Variants in LONRF1 observed in about 807,000 individuals in gnomAD.
LONRF1 encodes LON peptidase N-terminal domain and RING finger protein 1.
A neutral mutation model predicts 85.8 loss-of-function variants in LONRF1; 37 were observed. That is an observed-to-expected ratio of 0.43 (90% CI 0.33 to 0.57). The LOEUF is 0.57. Ranked by LOEUF, LONRF1 falls within the 20% of genes least tolerant of loss-of-function variation. The probability of loss-of-function intolerance (pLI) is 0.04; values close to 1 mark genes in which losing one functional copy is unlikely to be tolerated. For missense variants in LONRF1, 1,036 were observed against 978.0 expected, an observed-to-expected ratio of 1.06 and a Z score of -0.79; for synonymous variants, 517 against 390.1, an observed-to-expected ratio of 1.33 and a Z score of -3.83.
intron 10 of LONRF1, among the ~76,000 whole-genome samples, chr8:12,726,517 C>T (rs1798311553): frequency 6.6e-6 from 1 of 152,234 alleles, no homozygotes; most frequent in Non-Finnish European, 1.5e-5. Flanking sequence ...ATTCTTTAGA[C>T]TACTGGGTCA....
chr8:12,727,521 A>G (rs1289431861), intron 10 of LONRF1, among the ~76,000 whole-genome samples: 1 of 151,944 alleles, frequency 6.6e-6, no homozygotes, highest in Non-Finnish European at 1.5e-5. Flanking sequence ...ACCAAAGAGG[A>G]CTCGTTTATA....
intron 6 of LONRF1, among the ~76,000 whole-genome samples, chr8:12,736,462 A>G (rs2117271445): frequency 6.6e-6 from 1 of 152,324 alleles, no homozygotes; most frequent in Admixed American, 6.5e-5. Flanking sequence ...GATTCTCACA[A>G]CAATGAGATG....
In LONRF1 at chr8:12,729,075, C is replaced by A. The variant is rs879114309; in HGVS notation, c.1848-12G>T. ...CATAATCTGCAAAACTAAAAGAAAA[C>A]CTTGATTAGTAACAAAGTTGAAACA... On this transcript the variant is annotated splice_polypyrimidine_tract_variant and intron_variant, in intron 9 of 11. Transcript: ENST00000398246. 10 of 1,613,020 alleles carry A rather than the reference C, an allele frequency of 6.2e-6. No homozygotes were observed. The highest frequency in any genetic ancestry group is 8.5e-6 in the Non-Finnish European group (10 of 1,179,372).
intron 10 of LONRF1, 23 bp downstream of exon 10, chr8:12,728,878 T>A (rs1266801160): frequency 6.2e-7 from 1 of 1,613,242 alleles, no homozygotes; most frequent in African/African-American, 1.3e-5. Context: ...GAAAGTATGC[T>A]GGCAAAGCAC....
intron 7 of LONRF1, among the ~76,000 whole-genome samples, chr8:12,732,413 C>T (rs1798562756): frequency 6.6e-6 from 1 of 152,138 alleles, no homozygotes. Context: ...AGGTGCGTTT[C>T]TTGGGACACT....
At chr8:12,737,883 C>T in intron 4 of LONRF1, 112 bp downstream of exon 4, 1 of 1,055,832 alleles carries the variant, frequency 9.5e-7, no homozygotes, top group Non-Finnish European at 1.3e-6. Flanking sequence ...GATAACTAAC[C>T]AGGTTAAAAG....
At chr8:12,738,759 A>C (rs1160521924) in intron 3 of LONRF1, 2 of 152,196 alleles carry the variant, frequency 1.3e-5, no homozygotes, top group South Asian at 4.1e-4. Context: ...TACCTCAGGA[A>C]TATGCCTAAA....
At chr8:12,742,367 A>G (rs1052962651) in intron 2 of LONRF1, among the ~76,000 whole-genome samples, 1 of 152,240 alleles carries the variant, frequency 6.6e-6, no homozygotes, top group Non-Finnish European at 1.5e-5. Context: ...CAATTTGATA[A>G]AAAGGAGAAT....
chr8:12,737,406 CT>C (rs1413775253), intron 4 of LONRF1: 3 of 618,152 alleles, frequency 4.9e-6, no homozygotes, highest in East Asian at 3.4e-5. Flanking sequence ...CATATATCGA[CT>C]TTTTTCTTGT....
At chr8:12,752,943 C>G (rs1799468365) in intron 1 of LONRF1, 1 of 152,248 alleles carries the variant, frequency 6.6e-6, no homozygotes, top group African/African-American at 2.4e-5. Context: ...GAAGATACAG[C>G]ACTGCCTCTC....
At chr8:12,730,130 C>A (rs1798471893) in intron 8 of LONRF1, among the ~76,000 whole-genome samples, 1 of 152,124 alleles carries the variant, frequency 6.6e-6, no homozygotes, top group African/African-American at 2.4e-5. Context: ...ATTGTAGAAT[C>A]ATAAAGAGGA....
chr8:12,724,190 T>C (rs1035808354), intron 11 of LONRF1, among the ~76,000 whole-genome samples: 2 of 152,138 alleles, frequency 1.3e-5, no homozygotes, highest in African/African-American at 2.4e-5. Flanking sequence ...CCCTCTGCCA[T>C]AGGGTTCCAG....
rs1303940685 is a variant in LONRF1 at position 12,755,259 on chromosome 8, G to T, written c.162C>A (p.Arg54=). 5 of 1,233,850 alleles carry T rather than the reference G, an allele frequency of 4.1e-6. No individual in the cohort carries two copies. Among genetic ancestry groups the T allele is most frequent in the Non-Finnish European group, 5.0e-6 (5 of 990,818 alleles). 76.4% of individuals were successfully genotyped at this position (1,233,850 alleles called of 1,614,324 possible). ...ESERWELLLR[R]GELLALGGHL... is the part of the protein sequence containing the mutation. ...GGCCGCCCAGCGCCAGCAGCTCCCCGCGGCGGAGCAGCAGCTCCCAGCGCT... is the reference window on the plus strand; with the variant it reads ...GGCCGCCCAGCGCCAGCAGCTCCCCTCGGCGGAGCAGCAGCTCCCAGCGCT... The change falls in exon 1 of 12, where the codon CGC becomes CGA. Residue 54 remains arginine, a synonymous_variant. Coordinates refer to ENST00000398246, the MANE Select transcript of LONRF1 (RefSeq NM_152271.5).
rs1374490405 is a variant in LONRF1, at chr8:12,728,919, T to C, written c.1992A>G (p.Glu664=). Reference sequence around the variant, plus strand: ...AAAATACCTTAACATCTTCCAGATATTCAATGTCGGCAGTGCAATATCCAT... The same window carrying C: ...AAAATACCTTAACATCTTCCAGATACTCAATGTCGGCAGTGCAATATCCAT... ...MKDGYCTADI[E]YLEDVKVENE... The change falls in exon 10 of 12, where the codon GAA becomes GAG. Residue 664 remains glutamate (E), a synonymous_variant. Coordinates refer to ENST00000398246, the MANE Select transcript of LONRF1 (RefSeq NM_152271.5). The C allele has an allele frequency of 1.2e-6, 2 of 1,613,834 alleles. No individual in the cohort carries two copies. Among genetic ancestry groups the C allele is most frequent in the Admixed American group, 1.7e-5 (1 of 60,002 alleles).
chr8:12,729,377 T>C, intron 8 of LONRF1, 45 bp from the exon 9 acceptor site: 2 of 1,584,966 alleles, frequency 1.3e-6, no homozygotes, highest in Non-Finnish European at 1.7e-6. Context: ...ACAAGAAAAA[T>C]ATTACCGAAC....
At chr8:12,748,709 G>C (rs571787812) in intron 1 of LONRF1, among the ~76,000 whole-genome samples, 2 of 151,732 alleles carry the variant, frequency 1.3e-5, no homozygotes, top group Admixed American at 6.6e-5. Flanking sequence ...TGTGTATAAA[G>C]TTCTCTATTC....
chr8:12,750,085 T>A (rs190826375), intron 1 of LONRF1, among the ~76,000 whole-genome samples: 2 of 152,366 alleles, frequency 1.3e-5, no homozygotes, highest in African/African-American at 4.8e-5. Context: ...CTTTCAGTTT[T>A]AACTTGGTCA....
At chr8:12,745,339 A>C (rs1421421080) in intron 1 of LONRF1, among the ~76,000 whole-genome samples, 5 of 150,308 alleles carry the variant, frequency 3.3e-5, no homozygotes, top group Admixed American at 6.6e-5. Flanking sequence ...AAAAAAAAAA[A>C]AAAAAACCAA....
At chr8:12,739,173 T>G (rs186746098) in intron 3 of LONRF1, among the ~76,000 whole-genome samples, 6 of 152,190 alleles carry the variant, frequency 3.9e-5, no homozygotes, top group Admixed American at 1.3e-4. Context: ...CAAAATGACT[T>G]GTACAAGAAT....
Sources: gnomAD v4.1 joint callset for allele counts (sites outside exome capture counted in the v4.1 genomes callset) on GRCh38, gnomAD v4.1.1 for gene constraint, MANE v1.5 for transcripts, NCBI Gene and HGNC (gene_info 2026-07-23, HGNC 2026-07-21) for gene names.